Variants in TMEM108 observed in about 807,000 individuals in gnomAD.
The protein encoded by TMEM108 is cancer/testis antigen 124.
TMEM108 carries 12 observed loss-of-function variants against 35.1 expected under a neutral mutation model. The ratio of observed to expected loss-of-function variants is 0.34; its 90% CI spans 0.22 to 0.55. TMEM108 has a LOEUF of 0.55. Ranked by LOEUF, TMEM108 falls within the 20% of genes least tolerant of loss-of-function variation. TMEM108 has a pLI of 0.89. For synonymous variants in TMEM108, 287 were observed against 308.6 expected, an observed-to-expected ratio of 0.93 and a Z score of 0.73; for missense variants, 680 against 753.3, an observed-to-expected ratio of 0.90 and a Z score of 1.14.
intron 3 of TMEM108, among the ~76,000 whole-genome samples, chr3:133,376,751 T>C (rs1408929919): frequency 6.6e-6 from 1 of 152,164 alleles, no homozygotes; most frequent in East Asian, 1.9e-4. Context: ...TTCACTAATC[T>C]CAGACCCCCA....
At chr3:133,385,199 T>C (rs2073116465) in intron 4 of TMEM108, among the ~76,000 whole-genome samples, 1 of 151,958 alleles carries the variant, frequency 6.6e-6, no homozygotes, top group Non-Finnish European at 1.5e-5. Flanking sequence ...GTAGAAGAGA[T>C]TGGGATCAGA....
intron 3 of TMEM108, among the ~76,000 whole-genome samples, chr3:133,317,876 A>G (rs1295148814): frequency 2.6e-5 from 4 of 152,200 alleles, no homozygotes; most frequent in African/African-American, 9.6e-5. Context: ...AGTATGTTAG[A>G]TAGGGATACA....
intron 2 of TMEM108, among the ~76,000 whole-genome samples, chr3:133,209,843 G>A (rs989476236): frequency 1.3e-5 from 2 of 152,068 alleles, no homozygotes; most frequent in Non-Finnish European, 2.9e-5. Flanking sequence ...CTCATAGTCT[G>A]GGGGTGGCTT....
intron 2 of TMEM108, among the ~76,000 whole-genome samples, chr3:133,143,975 T>TATTTTATTTTATTTTATTTTA (rs200418383): frequency 3.6e-4 from 54 of 150,896 alleles, no homozygotes; most frequent in African/African-American, 1.3e-3. Context: ...TATTTTATTT[T>TATTTTATTTTATTTTATTTTA]ATTTTATTTT....
At chr3:133,389,211 A>C (rs1433393106) in intron 4 of TMEM108, 11 of 985,528 alleles carry the variant, frequency 1.1e-5, no homozygotes, top group Non-Finnish European at 1.3e-5. Context: ...CTCAATTCAC[A>C]CATGGTTAAT....
chr3:133,365,236 G>A (rs771623380), intron 3 of TMEM108, among the ~76,000 whole-genome samples: 5 of 152,090 alleles, frequency 3.3e-5, no homozygotes, highest in African/African-American at 1.2e-4. Context: ...ACATCAACCC[G>A]ATGCAAAATC....
intron 2 of TMEM108, among the ~76,000 whole-genome samples, chr3:133,165,261 G>T (rs1945020607): frequency 6.6e-6 from 1 of 152,208 alleles, no homozygotes; most frequent in Non-Finnish European, 1.5e-5. Context: ...TGAGGGAGGG[G>T]CTTTGTGAAG....
intron 3 of TMEM108, among the ~76,000 whole-genome samples, chr3:133,333,830 G>T (rs2071435787): frequency 6.6e-6 from 1 of 152,176 alleles, no homozygotes; most frequent in Non-Finnish European, 1.5e-5. Context: ...ATACATGCTG[G>T]CACTTTGAGG....
At chr3:133,335,657 T>TAGA (rs2071480260) in intron 3 of TMEM108, among the ~76,000 whole-genome samples, 1 of 152,170 alleles carries the variant, frequency 6.6e-6, no homozygotes, top group African/African-American at 2.4e-5. Flanking sequence ...AATGATCAAA[T>TAGA]AGAAGGCTCT....
chr3:133,384,953 A>G (rs1190074648), intron 4 of TMEM108, among the ~76,000 whole-genome samples: 1 of 152,178 alleles, frequency 6.6e-6, no homozygotes, highest in African/African-American at 2.4e-5. Context: ...TCTCTCTCTG[A>G]CACTAGACAC....
chr3:133,266,872 A>C (rs1395199471), intron 3 of TMEM108, among the ~76,000 whole-genome samples: 3 of 144,560 alleles, frequency 2.1e-5, no homozygotes, highest in Non-Finnish European at 4.5e-5. Flanking sequence ...GGAGATCGAG[A>C]CCATCCTGGC....
intron 3 of TMEM108, among the ~76,000 whole-genome samples, chr3:133,255,598 A>G (rs1946534431): frequency 6.6e-6 from 1 of 152,208 alleles, no homozygotes; most frequent in African/African-American, 2.4e-5. Context: ...GAATAGAGAC[A>G]ATGGGGGAGA....
At chr3:133,292,410 G>T (rs535454712) in intron 3 of TMEM108, among the ~76,000 whole-genome samples, 4 of 152,272 alleles carry the variant, frequency 2.6e-5, no homozygotes, top group African/African-American at 9.6e-5. Context: ...TCCTCATTAG[G>T]CCCATTGCCA....
chr3:133,319,862 C>A (rs1434202425), intron 3 of TMEM108, among the ~76,000 whole-genome samples: 1 of 152,136 alleles, frequency 6.6e-6, no homozygotes, highest in Non-Finnish European at 1.5e-5. Context: ...TTCATGAGAC[C>A]ACCTCATGGG....
intron 2 of TMEM108, among the ~76,000 whole-genome samples, chr3:133,083,876 TA>T (rs5852727): frequency 0.23 from 34,747 of 148,538 alleles, 4,767 homozygotes; most frequent in Non-Finnish European, 0.31. Flanking sequence ...TGAGATAAAG[TA>T]AAAAAAAAAG....
intron 2 of TMEM108, among the ~76,000 whole-genome samples, chr3:133,066,754 AC>A (rs1559821684): frequency 2.0e-5 from 3 of 152,214 alleles, no homozygotes; most frequent in African/African-American, 7.2e-5. Flanking sequence ...TAAAAATAAA[AC>A]ATAACCACTG....
chr3:133,325,759 A>T (rs1309382293), intron 3 of TMEM108, among the ~76,000 whole-genome samples: 1 of 150,488 alleles, frequency 6.6e-6, no homozygotes, highest in African/African-American at 2.4e-5. Context: ...AAAATATATA[A>T]TTTTTAAGTG....
At chr3:133,185,106 T>C (rs1945399965) in intron 2 of TMEM108, among the ~76,000 whole-genome samples, 2 of 152,242 alleles carry the variant, frequency 1.3e-5, no homozygotes, top group Non-Finnish European at 2.9e-5. Flanking sequence ...ATAAGATTTT[T>C]CTTTCTTGTC....
chr3:133,210,588 TC>T (rs5852737), intron 2 of TMEM108, among the ~76,000 whole-genome samples: 65,738 of 151,940 alleles, frequency 0.43, 15,153 homozygotes, highest in African/African-American at 0.6. Flanking sequence ...CTTCTAGCCT[TC>T]CAGTCATCAA....
Sources: allele counts gnomAD v4.1 joint callset (sites outside exome capture counted in the v4.1 genomes callset), GRCh38; gene constraint gnomAD v4.1.1; transcripts MANE v1.5; gene names NCBI Gene and HGNC (gene_info 2026-07-23, HGNC 2026-07-21).